Variants in GLT1D1 observed in about 807,000 individuals in gnomAD.
The protein encoded by GLT1D1 is glycosyltransferase 1 domain containing 1, also known as glycosyltransferase 1 domain-containing protein 1.
GLT1D1 carries 21 observed loss-of-function variants against 28.7 expected under a neutral mutation model. The ratio of observed to expected loss-of-function variants is 0.73; its 90% CI spans 0.52 to 1.05. The LOEUF (loss-of-function observed/expected upper bound fraction) is 1.05. Ranked by LOEUF, GLT1D1 falls within the 50% of genes least tolerant of loss-of-function variation. GLT1D1 has a pLI of 0.00. For missense variants in GLT1D1, 343 were observed against 330.6 expected (o/e 1.04, Z -0.29); for synonymous variants, 147 against 124.8 (o/e 1.18, Z -1.19).
At chr12:128,884,705 T>C (rs1957137748) in intron 2 of GLT1D1, among the ~76,000 whole-genome samples, 1 of 151,976 alleles carries the variant, frequency 6.6e-6, no homozygotes, top group Non-Finnish European at 1.5e-5. Flanking sequence ...TCCCAGCTAC[T>C]TGGGAGGCTG....
intron 4 of GLT1D1, among the ~76,000 whole-genome samples, chr12:128,941,207 A>G (rs959138620): frequency 1.8e-4 from 28 of 152,142 alleles, no homozygotes; most frequent in African/African-American, 6.5e-4. Context: ...TTGGCACATC[A>G]CGTCTACTCA....
intron 7 of GLT1D1, among the ~76,000 whole-genome samples, chr12:128,968,747 TGG>T: frequency 6.6e-6 from 1 of 152,092 alleles, no homozygotes; most frequent in Non-Finnish European, 1.5e-5. Flanking sequence ...ATTGGGTGCC[TGG>T]GCTGGTGTAT....
chr12:128,944,246 T>TC (rs1020572227), intron 4 of GLT1D1: 1 of 544,794 alleles, frequency 1.8e-6, no homozygotes, highest in African/African-American at 1.9e-5. Flanking sequence ...ATCTTACTAC[T>TC]AATAGTTCCA....
chr12:128,947,508 A>T, intron 6 of GLT1D1, 50 bp downstream of exon 10: 3 of 1,604,912 alleles, frequency 1.9e-6, no homozygotes, highest in Non-Finnish European at 2.6e-6. Flanking sequence ...ATTGTCCATC[A>T]CTCCTTCTCC....
chr12:128,899,522 T>C (rs1372044432), intron 4 of GLT1D1, among the ~76,000 whole-genome samples: 1 of 150,606 alleles, frequency 6.6e-6, no homozygotes, highest in Non-Finnish European at 1.5e-5. Flanking sequence ...AATGGTTGTA[T>C]GTTGTTGTTG....
intron 7 of GLT1D1, among the ~76,000 whole-genome samples, chr12:128,979,322 G>A (rs1880096799): frequency 6.6e-6 from 1 of 152,026 alleles, no homozygotes; most frequent in African/African-American, 2.4e-5. Flanking sequence ...GTGGGTCCTC[G>A]GCTTGGGGCC....
intron 3 of GLT1D1, among the ~76,000 whole-genome samples, chr12:128,891,920 G>A (rs1869106304): frequency 1.3e-5 from 2 of 152,166 alleles, no homozygotes; most frequent in Non-Finnish European, 2.9e-5. Flanking sequence ...AGGTGGTCAG[G>A]CACAGGTTGG....
chr12:128,879,221 C>T (rs1244665919), intron 2 of GLT1D1, among the ~76,000 whole-genome samples: 1 of 152,006 alleles, frequency 6.6e-6, no homozygotes, highest in Admixed American at 6.6e-5. Context: ...AAACGTGTGC[C>T]ATGGTGGTTT....
At position 128,914,917 on chromosome 12, in the gene GLT1D1, T is replaced by A. The variant is rs1317994295; in HGVS notation, c.375+15630T>A. 1 of 1,535,074 alleles carries A rather than the reference T, an allele frequency of 6.5e-7. No homozygotes were observed. Among genetic ancestry groups the A allele is most frequent in the East Asian group, 2.4e-5 (1 of 40,900 alleles). ...CTTCAAAGTGAACTTGCCCTTTTTT[T>A]GTTTCTTTGACCCAGGAATTGCAAC... On this transcript the variant is annotated intron_variant, in intron 4 of 7. Transcript: ENST00000281703.
intron 1 of GLT1D1, among the ~76,000 whole-genome samples, chr12:128,862,347 A>C (rs1050371517): frequency 2.8e-5 from 4 of 143,630 alleles, no homozygotes; most frequent in African/African-American, 7.6e-5. Context: ...AAAAAAAAAA[A>C]CCACAAAGAT....
In GLT1D1 at chr12:128,983,269, C is replaced by T. The variant is rs1039383672; in HGVS notation, c.*179C>T. 10 of 587,604 alleles carry T rather than the reference C, an allele frequency of 1.7e-5. No individual in the cohort carries two copies. The highest frequency in any genetic ancestry group is 1.4e-4 in the East Asian group (5 of 35,334). 36.4% of individuals were successfully genotyped at this position (587,604 alleles called of 1,614,324 possible). A position where few individuals can be genotyped will look rare whatever the true frequency, so the allele number is the denominator to read the frequency against. ...TGCATTCATCCCATATCCTTCTGTG[C>T]GTTCAGATGCTGTCCCAGGCGTGTT... On this transcript the variant is annotated 3_prime_UTR_variant, in exon 8 of 8. Coordinates refer to ENST00000281703, the MANE Select transcript of GLT1D1 (RefSeq NM_144669.3). This position sits in a 1 kb window ranked among gnomAD's most constrained non-coding sequence, Gnocchi z 4.7.
intron 1 of GLT1D1, among the ~76,000 whole-genome samples, chr12:128,862,619 G>A (rs1956409713): frequency 6.6e-6 from 1 of 152,190 alleles, no homozygotes; most frequent in African/African-American, 2.4e-5. Flanking sequence ...ACTCCAGCTT[G>A]GGCAGCAACA....
chr12:128,953,731 TG>T (rs1275338538), intron 6 of GLT1D1, among the ~76,000 whole-genome samples: 3 of 137,678 alleles, frequency 2.2e-5, no homozygotes, highest in Non-Finnish European at 3.1e-5. Context: ...GCACTAACAA[TG>T]ACTAAAATAG....
In GLT1D1 at chr12:128,864,144, C is replaced by T. The variant is rs77955950; in HGVS notation, c.68+10495C>T. 2,261 of 686,052 alleles carry T rather than the reference C, an allele frequency of 3.3e-3. 7 individuals carry two copies. Among genetic ancestry groups the T allele is most frequent in the Non-Finnish European group, 5.0e-3 (1,888 of 376,888 alleles). 42.5% of individuals were successfully genotyped at this position (686,052 alleles called of 1,614,324 possible). On this transcript the variant is annotated intron_variant, in intron 1 of 7. Transcript: ENST00000281703. The stretch of plus-strand genomic sequence containing the variant: ...CTCGGCTGGGGCAGGAGAGTCTTAA[C>T]ATGCTGACTGCGAGGTGCCTGTCAG...
rs555910389 is a variant in GLT1D1 at position 128,967,583 on chromosome 12, G to A, written c.639+9940G>A. 3.9e-5 allele frequency among the ~76,000 whole-genome samples: 6 copies of A among 152,314 alleles called. No homozygotes were observed. The South Asian group carries it at 1.2e-3, about 32-fold the overall frequency. On this transcript the variant is annotated intron_variant, in intron 7 of 7. Transcript: ENST00000281703. ...ACAGCTTGCAGCGCTGTGCACTAGG[G>A]GAAGCCGTGGAATATGGAAAGCACT...
Position 128,945,334 on chromosome 12 carries a change from A to G in GLT1D1, c.384A>G (p.Pro128=). 6.2e-7 allele frequency: 1 copy of G among 1,614,102 alleles called. No individual in the cohort carries two copies. The highest frequency in any genetic ancestry group is 8.5e-7 in the Non-Finnish European group (1 of 1,179,914). ...TCTTTGTCTCTTTTCAGGTCGATCC[A>G]GTGTTTACAAGGGAAGTGAAAGCCA... is the stretch of plus-strand genomic sequence containing the variant. Residue 128 remains proline (P), a synonymous_variant, in exon 5 of 8, where the codon CCA becomes CCG. Coordinates refer to ENST00000281703, the MANE Select transcript of GLT1D1 (RefSeq NM_144669.3).
rs1360866150 is a variant in GLT1D1 at position 128,906,778 on chromosome 12, A to G, written c.375+7491A>G. 7.2e-6 allele frequency: 3 copies of G among 415,222 alleles called. No homozygotes were observed. In the East Asian group the frequency reaches 1.1e-4, roughly 15 times the overall value. 25.7% of individuals were successfully genotyped at this position (415,222 alleles called of 1,614,324 possible). A position where few individuals can be genotyped will look rare whatever the true frequency, so the allele number is the denominator to read the frequency against. On this transcript the variant is annotated intron_variant, in intron 4 of 7. Transcript: ENST00000281703. ...GTCACCCCCTTCTGGGGCCTAATTT[A>G]TCTACTTTGCCTTGGCACTTGTGAA...
intron 7 of GLT1D1, among the ~76,000 whole-genome samples, chr12:128,967,792 C>T (rs955000993): frequency 7.2e-5 from 11 of 152,172 alleles, no homozygotes; most frequent in Non-Finnish European, 2.9e-5. Context: ...AGTGTTTTAA[C>T]GTAACATCTA....
intron 2 of GLT1D1, among the ~76,000 whole-genome samples, chr12:128,883,921 G>T (rs1004630888): frequency 6.6e-6 from 1 of 152,160 alleles, no homozygotes; most frequent in Non-Finnish European, 1.5e-5. Context: ...GAAGGGAAAG[G>T]ATTTACTTCT....
Sources: allele counts gnomAD v4.1 joint callset (sites outside exome capture counted in the v4.1 genomes callset), GRCh38; gene constraint gnomAD v4.1.1; non-coding constraint Gnocchi (gnomAD v3.1); transcripts MANE v1.5; gene names NCBI Gene and HGNC (gene_info 2026-07-23, HGNC 2026-07-21).